PAK6: variants seen among roughly 807,000 people sequenced by gnomAD.
PAK6 encodes serine/threonine-protein kinase PAK 6.
A neutral mutation model predicts 60.8 loss-of-function variants in PAK6; 33 were observed. The ratio of observed to expected loss-of-function variants is 0.54; its 90% confidence interval spans 0.41 to 0.73. The LOEUF (loss-of-function observed/expected upper bound fraction) is 0.73, where lower values mean the gene tolerates loss of function less well. Among genes scored for constraint, PAK6 ranks in the 30% least tolerant of loss-of-function variants. The pLI is 0.00. For missense variants in PAK6, 845 were observed against 904.1 expected, an observed-to-expected ratio of 0.93 and a Z score of 0.84; for synonymous variants, 404 against 378.5, an observed-to-expected ratio of 1.07 and a Z score of -0.78.
Position 40,274,133 on chromosome 15 carries a change from C to T in PAK6, c.1744-9C>T. Reference sequence around the variant, plus strand: ...TGGCCATGGGGTCAGGGACATTTTCCTCCTGCAGGTGGATATCTGGTCTCT... The same window carrying T: ...TGGCCATGGGGTCAGGGACATTTTCTTCCTGCAGGTGGATATCTGGTCTCT... On this transcript the variant is annotated splice_polypyrimidine_tract_variant and intron_variant, in intron 9 of 10. Transcript: ENST00000560346. 1 of 1,613,960 alleles carries T rather than the reference C, an allele frequency of 6.2e-7. No homozygotes were observed. Among genetic ancestry groups the T allele is most frequent in the Non-Finnish European group, 8.5e-7 (1 of 1,179,980 alleles).
chr15:40,253,128 G>C, intron 2 of PAK6, 50 bp from the exon 3 acceptor site: 1 of 438,548 alleles, frequency 2.3e-6, no homozygotes, highest in South Asian at 1.6e-5. Context: ...ACACCCGCGG[G>C]AACACTTGCT....
intron 2 of PAK6, chr15:40,246,887 A>C (rs2038509853): frequency 6.6e-6 from 1 of 152,310 alleles, no homozygotes; most frequent in South Asian, 2.1e-4. Context: ...CCAGCTAGTT[A>C]GTGTTCCCAG....
chr15:40,265,770 C>T, intron 4 of PAK6, 72 bp from the exon 5 acceptor site: 1 of 1,405,408 alleles, frequency 7.1e-7, no homozygotes, highest in Non-Finnish European at 9.5e-7. Flanking sequence ...ATTCTCTGAC[C>T]CTGATCTCCC....
intron 3 of PAK6, among the ~76,000 whole-genome samples, chr15:40,256,483 G>C (rs1004756698): frequency 2.0e-5 from 3 of 152,186 alleles, no homozygotes; most frequent in Non-Finnish European, 2.9e-5. Flanking sequence ...GTCCTCTGGA[G>C]GCCACTCTGA....
intron 3 of PAK6, among the ~76,000 whole-genome samples, chr15:40,258,339 G>C (rs2038893476): frequency 6.6e-6 from 1 of 152,202 alleles, no homozygotes; most frequent in Non-Finnish European, 1.5e-5. Context: ...GGGTAAGCAT[G>C]GTGGACGGAG....
At chr15:40,273,085 C>T (rs1422956237) in intron 7 of PAK6, 86 bp downstream of exon 7, 60 of 1,536,832 alleles carry the variant, frequency 3.9e-5, no homozygotes, top group Admixed American at 2.6e-4. Context: ...GCCTGTGGCC[C>T]AGAAGACTTG....
At chr15:40,263,812 T>C (rs1389824192) in intron 3 of PAK6, 6 of 433,920 alleles carry the variant, frequency 1.4e-5, no homozygotes, top group Non-Finnish European at 2.4e-5. Flanking sequence ...AGACAGGTTT[T>C]CACCATGTTG....
At chr15:40,248,046 G>A (rs2038544614) in intron 2 of PAK6, among the ~76,000 whole-genome samples, 1 of 152,136 alleles carries the variant, frequency 6.6e-6, no homozygotes, top group African/African-American at 2.4e-5. Flanking sequence ...CTTCCCCAGG[G>A]CGGGAGGTAC....
intron 5 of PAK6, among the ~76,000 whole-genome samples, chr15:40,268,528 G>C (rs2039211688): frequency 6.6e-6 from 1 of 152,206 alleles, no homozygotes; most frequent in African/African-American, 2.4e-5. Context: ...GGAGTCCCCA[G>C]ATCAAGCCAG....
chr15:40,269,725 T>G (rs2140987507), intron 5 of PAK6, among the ~76,000 whole-genome samples: 1 of 152,302 alleles, frequency 6.6e-6, no homozygotes, highest in Non-Finnish European at 1.5e-5. Flanking sequence ...CCAGCCTATG[T>G]CCCAGACTCT....
intron 3 of PAK6, among the ~76,000 whole-genome samples, chr15:40,257,513 TAGG>T (rs943668442): frequency 6.6e-6 from 1 of 152,352 alleles, no homozygotes; most frequent in South Asian, 2.1e-4. Flanking sequence ...GGTGACGGGT[TAGG>T]AGGACAGCTG....
intron 3 of PAK6, among the ~76,000 whole-genome samples, chr15:40,260,920 G>A (rs903824766): frequency 5.4e-4 from 79 of 146,844 alleles, no homozygotes; most frequent in African/African-American, 1.9e-3. Context: ...ACAGAGTCTC[G>A]CTCTGTCGCC....
At chr15:40,248,931 C>T (rs2038578874) in intron 2 of PAK6, among the ~76,000 whole-genome samples, 1 of 152,192 alleles carries the variant, frequency 6.6e-6, no homozygotes, top group Admixed American at 6.5e-5. Flanking sequence ...AATTCCAGCT[C>T]CTCCCCTCAG....
intron 2 of PAK6, chr15:40,252,880 G>T (rs1420041032): frequency 1.6e-6 from 2 of 1,238,780 alleles, no homozygotes; most frequent in Non-Finnish European, 2.1e-6. Flanking sequence ...CCCGCCCGGC[G>T]CGGGGCATTC....
At chr15:40,267,567 G>T (rs2039179044) in intron 5 of PAK6, among the ~76,000 whole-genome samples, 2 of 152,228 alleles carry the variant, frequency 1.3e-5, no homozygotes, top group Non-Finnish European at 2.9e-5. Flanking sequence ...GCTGAGGCAG[G>T]AGAATGGCGT....
At position 40,262,429 on chromosome 15, in the gene PAK6, G is replaced by A. The variant is rs139680735; in HGVS notation, c.-5-2352G>A. Reference sequence around the variant, plus strand: ...TGAGGCAAGAGAATCACTTGAACCCGGGAGGTGGAGGTTGCAGTGAGCCCA... The same window carrying A: ...TGAGGCAAGAGAATCACTTGAACCCAGGAGGTGGAGGTTGCAGTGAGCCCA... On this transcript the variant is annotated intron_variant, in intron 3 of 10. Coordinates refer to ENST00000560346, the Ensembl canonical transcript of PAK6. Among the ~76,000 whole-genome samples, 644 of 152,254 alleles carry A rather than the reference G, an allele frequency of 4.2e-3. 3 individuals carry two copies. The highest frequency in any genetic ancestry group is 7.4e-3 in the Non-Finnish European group (505 of 68,016).
At chr15:40,260,272 T>G (rs959337133) in intron 3 of PAK6, 20 of 152,220 alleles carry the variant, frequency 1.3e-4, no homozygotes, top group Admixed American at 2.6e-4. Context: ...TGCATAATTT[T>G]GGAGTATGAT....
At chr15:40,268,702 C>G (rs1368109556) in intron 5 of PAK6, among the ~76,000 whole-genome samples, 2 of 152,214 alleles carry the variant, frequency 1.3e-5, no homozygotes, top group Non-Finnish European at 2.9e-5. Flanking sequence ...TGGAGTCACT[C>G]TAGCTAAAGA....
At chr15:40,264,701 C>CCCTGAA in intron 3 of PAK6, 80 bp from the exon 4 acceptor site, 1 of 1,209,422 alleles carries the variant, frequency 8.3e-7, no homozygotes. Flanking sequence ...GGGGAGGGAG[C>CCCTGAA]CCTGAACCTG....
Sources: gnomAD v4.1 joint callset for allele counts (sites outside exome capture counted in the v4.1 genomes callset) on GRCh38, gnomAD v4.1.1 for gene constraint, MANE v1.5 for transcripts, NCBI Gene and HGNC (gene_info 2026-07-23, HGNC 2026-07-21) for gene names.